Variants in SHROOM4 observed in about 807,000 individuals in gnomAD.
SHROOM4 encodes the protein shroom family member 4, also known as protein Shroom4.
Under a neutral mutation model 80.3 loss-of-function variants are expected in SHROOM4, and 17 were observed. The ratio of observed to expected loss-of-function variants is 0.21; its 90% CI spans 0.14 to 0.32. SHROOM4 has a LOEUF of 0.32. Ranked by LOEUF, SHROOM4 falls within the 10% of genes least tolerant of loss-of-function variation. The probability of loss-of-function intolerance (pLI) is 1.00; values close to 1 mark genes in which losing one functional copy is unlikely to be tolerated. For synonymous variants in SHROOM4, 400 were observed against 437.5 expected, an observed-to-expected ratio of 0.91 and a Z score of 1.07; for missense variants, 993 against 1,140.3, an observed-to-expected ratio of 0.87 and a Z score of 1.86.
intron 2 of SHROOM4, among the ~76,000 whole-genome samples, chrX:50,695,550 A>C (rs1015274211): frequency 1.8e-5 from 2 of 112,368 alleles, no homozygotes; most frequent in African/African-American, 3.2e-5. Context: ...ATAAGGAAAC[A>C]GTCTTGCAGA....
intron 5 of SHROOM4, among the ~76,000 whole-genome samples, chrX:50,622,194 G>A (rs1385803619): frequency 1.8e-5 from 2 of 111,521 alleles, no homozygotes; most frequent in African/African-American, 3.3e-5. Flanking sequence ...GCTGTTAATG[G>A]TATAATACCT....
intron 2 of SHROOM4, among the ~76,000 whole-genome samples, chrX:50,682,998 C>T (rs1384313170): frequency 1.8e-5 from 2 of 111,195 alleles, no homozygotes; most frequent in Non-Finnish European, 3.8e-5. Context: ...ACTGGCCTAG[C>T]CTCCCAGCCT....
At chrX:50,686,439 GC>G (rs782270381) in intron 2 of SHROOM4, among the ~76,000 whole-genome samples, 20 of 111,003 alleles carry the variant, frequency 1.8e-4, no homozygotes, top group Non-Finnish European at 3.2e-4. Context: ...TTACCAAATG[GC>G]TACTCTGTTT....
At chrX:50,798,899 C>T (rs911208670) in intron 1 of SHROOM4, among the ~76,000 whole-genome samples, 3 of 111,447 alleles carry the variant, frequency 2.7e-5, no homozygotes, top group Non-Finnish European at 5.6e-5. Context: ...TAAAAGCACA[C>T]GAGCTATCCC....
intron 5 of SHROOM4, among the ~76,000 whole-genome samples, chrX:50,614,989 G>T (rs782622936): frequency 1.0e-3 from 111 of 111,523 alleles, no homozygotes; most frequent in Non-Finnish European, 1.9e-3. Context: ...TTGTAAAAAA[G>T]AATGTATATA....
intron 1 of SHROOM4, among the ~76,000 whole-genome samples, chrX:50,738,620 A>G (rs1412080272): frequency 9.0e-6 from 1 of 111,274 alleles, no homozygotes; most frequent in Non-Finnish European, 1.9e-5. Context: ...TCCAACTCAC[A>G]AGGGATGTGA....
chrX:50,618,420 CTTTCTTAT>C (rs1486768026), intron 5 of SHROOM4, among the ~76,000 whole-genome samples: 5 of 80,568 alleles, frequency 6.2e-5, no homozygotes, highest in Non-Finnish European at 1.0e-4. Flanking sequence ...TCCTTCCTTC[CTTTCTTAT>C]TTTTGAGACA....
intron 1 of SHROOM4, among the ~76,000 whole-genome samples, chrX:50,739,559 C>A (rs1393743044): frequency 1.8e-5 from 2 of 111,510 alleles, no homozygotes; most frequent in African/African-American, 6.5e-5. Flanking sequence ...GACATTTATG[C>A]AGCCAAAAAA....
At position 50,610,358 on chromosome X, in the gene SHROOM4, A is replaced by T. The variant is rs868961078; in HGVS notation, c.2958-2174T>A. On this transcript the variant is annotated intron_variant, in intron 5 of 8. Coordinates refer to ENST00000376020, the MANE Select transcript of SHROOM4 (RefSeq NM_020717.5). The stretch of plus-strand genomic sequence containing the variant: ...TTCTCTCTCTCTCTCTCTCTCACAC[A>T]CACACACACACACACACACACACAC... 7.5e-4 allele frequency among the ~76,000 whole-genome samples: 77 copies of T among 103,153 alleles called. No homozygotes were observed. In the East Asian group the frequency reaches 0.015, roughly 20 times the overall value. 89.6% of individuals were successfully genotyped at this position (103,153 alleles called of 115,157 possible).
At chrX:50,638,806 G>T (rs1402457750) in intron 2 of SHROOM4, among the ~76,000 whole-genome samples, 1 of 112,839 alleles carries the variant, frequency 8.9e-6, no homozygotes, top group Non-Finnish European at 1.9e-5. Flanking sequence ...TCCTCTACGT[G>T]TAACTCTGGG....
intron 1 of SHROOM4, among the ~76,000 whole-genome samples, chrX:50,807,825 G>A (rs1227060237): frequency 9.0e-6 from 1 of 111,633 alleles, no homozygotes; most frequent in African/African-American, 3.3e-5. Context: ...CTTCATAGAG[G>A]CCTTAGGCAG....
chrX:50,740,539 A>C (rs1247340234), intron 1 of SHROOM4, among the ~76,000 whole-genome samples: 3 of 111,341 alleles, frequency 2.7e-5, no homozygotes, highest in African/African-American at 9.8e-5. Flanking sequence ...AGACAGAATA[A>C]CCAGGCAGAA....
chrX:50,660,527 TCCCTCC>T lies in SHROOM4; in HGVS notation c.270-22225_270-22220del, dbSNP rs1305501858. On this transcript the variant is annotated intron_variant, in intron 2 of 8. Transcript: ENST00000376020. ...TTGAGCTTCTCTCTCTCTCTCTCTC[TCCCTCC>T]CTCCCTCCCTCCCTCTCTCTCCCTC... 3.9e-4 allele frequency among the ~76,000 whole-genome samples: 13 copies of T among 33,549 alleles called. No individual in the cohort carries two copies. In the Admixed American group the frequency reaches 5.8e-3, roughly 15 times the overall value. 29.1% of individuals were successfully genotyped at this position (33,549 alleles called of 115,157 possible).
intron 1 of SHROOM4, among the ~76,000 whole-genome samples, chrX:50,762,097 A>G (rs1935171915): frequency 8.9e-6 from 1 of 111,750 alleles, no homozygotes; most frequent in African/African-American, 3.3e-5. Context: ...TTTCATATAT[A>G]TTTTGTCTAT....
chrX:50,743,168 G>A (rs782378882), intron 1 of SHROOM4, among the ~76,000 whole-genome samples: 1 of 106,822 alleles, frequency 9.4e-6, no homozygotes, highest in African/African-American at 3.4e-5. Flanking sequence ...CTGGCACTAC[G>A]AGATTCTCCA....
intron 6 of SHROOM4, 21 bp from the exon 7 acceptor site, chrX:50,602,834 C>G (rs1929492009): frequency 2.5e-6 from 3 of 1,191,926 alleles, no homozygotes; most frequent in Admixed American, 2.2e-5. Flanking sequence ...AAAGAATGAC[C>G]ATTTGAGCAC....
At chrX:50,795,033 TATATCTC>T (rs1388537936) in intron 1 of SHROOM4, among the ~76,000 whole-genome samples, 1 of 9,620 alleles carries the variant, frequency 1.0e-4, no homozygotes, top group African/African-American at 1.1e-4. Flanking sequence ...ATATATCATA[TATATCTC>T]ATATATATAT....
intron 6 of SHROOM4, among the ~76,000 whole-genome samples, chrX:50,603,049 G>A (rs2147220304): frequency 8.9e-6 from 1 of 111,878 alleles, no homozygotes; most frequent in South Asian, 3.8e-4. Flanking sequence ...CGGCTAGGGA[G>A]ACTTCTTTCG....
At chrX:50,778,218 T>G (rs782729860) in intron 1 of SHROOM4, among the ~76,000 whole-genome samples, 4 of 112,454 alleles carry the variant, frequency 3.6e-5, no homozygotes, top group Non-Finnish European at 7.5e-5. Flanking sequence ...TCACACTAAT[T>G]TTTTAGCCAA....
Sources: allele counts gnomAD v4.1 joint callset (sites outside exome capture counted in the v4.1 genomes callset), GRCh38; gene constraint gnomAD v4.1.1; transcripts MANE v1.5; gene names NCBI Gene and HGNC (gene_info 2026-07-23, HGNC 2026-07-21).